Variants in KMO observed in about 807,000 individuals in gnomAD.
KMO encodes kynurenine 3-hydroxylase.
In KMO, 24 loss-of-function variants were observed where a neutral mutation model predicts 57.8. The observed-to-expected ratio is 0.42, with a 90% CI of 0.30 to 0.58. The LOEUF (loss-of-function observed/expected upper bound fraction) is 0.58, where lower values mean the gene tolerates loss of function less well. Among genes scored for constraint, KMO ranks in the 20% least tolerant of loss-of-function variants. The pLI, the probability that KMO is intolerant of heterozygous loss-of-function variation, is 0.22. For missense variants in KMO, 483 were observed against 588.2 expected (o/e 0.82, Z 1.85); for synonymous variants, 210 against 193.6 (o/e 1.08, Z -0.70).
intron 1 of KMO, among the ~76,000 whole-genome samples, chr1:241,535,765 C>A (rs1479634866): frequency 6.6e-6 from 1 of 152,144 alleles, no homozygotes; most frequent in Non-Finnish European, 1.5e-5. Flanking sequence ...ATTACAACTC[C>A]CCCATCCCTT....
intron 3 of KMO, among the ~76,000 whole-genome samples, chr1:241,550,674 C>T (rs1362449201): frequency 6.6e-6 from 1 of 152,062 alleles, no homozygotes; most frequent in Non-Finnish European, 1.5e-5. Flanking sequence ...AATCACTTAA[C>T]CTCTGTAACA....
At chr1:241,586,327 T>C (rs898101935) in intron 10 of KMO, among the ~76,000 whole-genome samples, 1 of 150,656 alleles carries the variant, frequency 6.6e-6, no homozygotes, top group African/African-American at 2.4e-5. Flanking sequence ...GCCTCCCGAG[T>C]AGCTGGGACC....
chr1:241,542,494 A>G (rs1355175736), intron 1 of KMO, among the ~76,000 whole-genome samples: 1 of 152,248 alleles, frequency 6.6e-6, no homozygotes, highest in Admixed American at 6.5e-5. Context: ...ATTCATAAAA[A>G]TGTTTAATTT....
Position 241,550,102 on chromosome 1 carries a change from C to A in KMO, c.222+328C>A, listed in dbSNP as rs61825638. ...TCCTTTTTTTTTTCAATTGCACAGG[C>A]CCGTAATATCTTATCTACAATTCTA... On this transcript the variant is annotated intron_variant, in intron 3 of 14. Transcript: ENST00000366559. 229 of 201,188 alleles carry A rather than the reference C, an allele frequency of 1.1e-3. 2 individuals carry two copies. The highest frequency in any genetic ancestry group is 4.9e-3 in the African/African-American group (213 of 43,280). The allele number at this position is 201,188 out of a possible 1,614,324, so 12.5% of individuals were successfully genotyped here.
At chr1:241,564,657 ATAT>A (rs1662007769) in intron 7 of KMO, among the ~76,000 whole-genome samples, 1 of 152,080 alleles carries the variant, frequency 6.6e-6, no homozygotes, top group Admixed American at 6.6e-5. Flanking sequence ...GTGTGTACAT[ATAT>A]ACCAGGTATA....
chr1:241,559,425 C>G (rs536543051), intron 5 of KMO, among the ~76,000 whole-genome samples: 1 of 133,382 alleles, frequency 7.5e-6, no homozygotes, highest in Non-Finnish European at 1.6e-5. Context: ...ATACTATATA[C>G]TTATGTAAAA....
chr1:241,581,505 GT>G (rs1662749035), intron 10 of KMO, among the ~76,000 whole-genome samples: 1 of 151,586 alleles, frequency 6.6e-6, no homozygotes, highest in Non-Finnish European at 1.5e-5. Context: ...ATAGGTTTTT[GT>G]TTTGTGGTTA....
At chr1:241,572,715 G>T (rs767525592) in intron 10 of KMO, among the ~76,000 whole-genome samples, 1 of 152,010 alleles carries the variant, frequency 6.6e-6, no homozygotes. Context: ...ATATAGTGGT[G>T]AAGTCTGAGA....
chr1:241,593,916 ACG>A lies in KMO; in HGVS notation c.*1764_*1765del, dbSNP rs1663411982. The A allele has an allele frequency of 1.3e-5, 2 of 154,712 alleles. No homozygotes were observed. The highest frequency in any genetic ancestry group is 6.3e-5 in the Admixed American group (1 of 15,776). 9.6% of individuals were successfully genotyped at this position (154,712 alleles called of 1,614,324 possible). A position where few individuals can be genotyped will look rare whatever the true frequency, so the allele number is the denominator to read the frequency against. On this transcript the variant is annotated 3_prime_UTR_variant, in exon 15 of 15. Transcript: ENST00000366559. ...CTCTTTGTCATACTGCACATATAAA[ACG>A]TCTTTTGTTTCCAACAAGAGGATTT...
At chr1:241,589,177 G>T (rs979232201) in intron 12 of KMO, among the ~76,000 whole-genome samples, 1 of 152,100 alleles carries the variant, frequency 6.6e-6, no homozygotes, top group Non-Finnish European at 1.5e-5. Flanking sequence ...TCTAAGAAAT[G>T]TTGAATGGCC....
intron 9 of KMO, 38 bp downstream of exon 9, chr1:241,566,650 A>G (rs1662091128): frequency 1.9e-6 from 3 of 1,607,320 alleles, no homozygotes; most frequent in Non-Finnish European, 2.6e-6. Flanking sequence ...CATTTGTTTT[A>G]ATTATTCCAA....
intron 1 of KMO, among the ~76,000 whole-genome samples, chr1:241,534,476 G>A (rs1363246001): frequency 1.3e-5 from 2 of 152,236 alleles, no homozygotes; most frequent in Non-Finnish European, 2.9e-5. Flanking sequence ...GTATTAGGGA[G>A]CAACTAAAAT....
chr1:241,543,126 A>C (rs940253974), intron 1 of KMO, among the ~76,000 whole-genome samples: 3 of 152,156 alleles, frequency 2.0e-5, no homozygotes, highest in African/African-American at 7.2e-5. Flanking sequence ...TTTATTAATA[A>C]TAATAACAAT....
At chr1:241,543,090 A>C (rs1280246281) in intron 1 of KMO, among the ~76,000 whole-genome samples, 2 of 152,164 alleles carry the variant, frequency 1.3e-5, no homozygotes, top group Non-Finnish European at 2.9e-5. Context: ...TCTTGGAGAA[A>C]ACACTTTTAC....
chr1:241,545,652 T>G (rs1357269474), intron 1 of KMO, among the ~76,000 whole-genome samples: 1 of 152,208 alleles, frequency 6.6e-6, no homozygotes, highest in Non-Finnish European at 1.5e-5. Flanking sequence ...TAATGTCACA[T>G]TCTTACAGTA....
chr1:241,559,231 G>A (rs1231162680), intron 5 of KMO, among the ~76,000 whole-genome samples: 1 of 151,820 alleles, frequency 6.6e-6, no homozygotes, highest in African/African-American at 2.4e-5. Flanking sequence ...TCCCATACAG[G>A]CAACACATCT....
rs1226660038 is a variant in KMO, at chr1:241,592,778, C to CTATCTATCTATCTA, written c.*627_*640dup. The CTATCTATCTATCTA allele has an allele frequency of 1.2e-4, 18 of 148,578 alleles. No individual in the cohort carries two copies. Among genetic ancestry groups the CTATCTATCTATCTA allele is most frequent in the Admixed American group, 1.2e-3 (18 of 14,864 alleles). 9.2% of individuals were successfully genotyped at this position (148,578 alleles called of 1,614,324 possible). On this transcript the variant is annotated 3_prime_UTR_variant, in exon 15 of 15. Transcript: ENST00000366559. ...ATCATCTATCTATCTATCTATCTATCTATCTATCTATCTATCTATCTCTAT... is the reference window on the plus strand; with the variant it reads ...ATCATCTATCTATCTATCTATCTATCTATCTATCTATCTATATCTATCTATCTATCTATCTCTAT...
intron 4 of KMO, among the ~76,000 whole-genome samples, chr1:241,553,197 A>G (rs974861985): frequency 2.0e-5 from 3 of 152,172 alleles, no homozygotes; most frequent in Admixed American, 1.3e-4. Context: ...TCTTCATCAG[A>G]TCAATCTTGT....
At chr1:241,587,597 CCA>C (rs1473374011) in intron 11 of KMO, among the ~76,000 whole-genome samples, 1 of 152,090 alleles carries the variant, frequency 6.6e-6, no homozygotes, top group East Asian at 1.9e-4. Context: ...GCATACACCA[CCA>C]CACCCAGCTA....
Sources: allele counts gnomAD v4.1 joint callset (sites outside exome capture counted in the v4.1 genomes callset), GRCh38; gene constraint gnomAD v4.1.1; transcripts MANE v1.5; gene names NCBI Gene and HGNC (gene_info 2026-07-23, HGNC 2026-07-21).